Variants in MBD5 observed in about 807,000 individuals in gnomAD.
The protein encoded by MBD5 is methyl-CpG binding domain protein 5.
Under a neutral mutation model 117.3 loss-of-function variants are expected in MBD5, and 13 were observed. The ratio of observed to expected loss-of-function variants is 0.11; its 90% CI spans 0.07 to 0.18. The LOEUF is 0.18. MBD5 is among the 10% of genes least tolerant of loss of function. The pLI is 1.00. For synonymous variants in MBD5, 727 were observed against 766.4 expected, an observed-to-expected ratio of 0.95 and a Z score of 0.85; for missense variants, 1,879 against 2,093.8, an observed-to-expected ratio of 0.90 and a Z score of 2.00.
At chr2:148,350,760 C>G (rs1302564905) in intron 4 of MBD5, among the ~76,000 whole-genome samples, 1 of 151,960 alleles carries the variant, frequency 6.6e-6, no homozygotes, top group Admixed American at 6.6e-5. Flanking sequence ...TAGGATTGAG[C>G]ATTGCAGTCC....
chr2:148,102,727 CACAG>C (rs1191403368), intron 1 of MBD5, among the ~76,000 whole-genome samples: 138 of 62,898 alleles, frequency 2.2e-3, no homozygotes, highest in Middle Eastern at 7.9e-3. Context: ...CACACACACA[CACAG>C]AGAGAGAGAG....
intron 1 of MBD5, among the ~76,000 whole-genome samples, chr2:148,089,861 A>T (rs1282743739): frequency 3.9e-5 from 6 of 152,102 alleles, no homozygotes; most frequent in Non-Finnish European, 8.8e-5. Context: ...AACTAAATGA[A>T]ATTGAAACAC....
chr2:148,080,240 G>A (rs1695616701), intron 1 of MBD5, among the ~76,000 whole-genome samples: 1 of 152,122 alleles, frequency 6.6e-6, no homozygotes, highest in Non-Finnish European at 1.5e-5. Flanking sequence ...TGGTACAATG[G>A]AAGCATTTCT....
chr2:148,200,960 A>G (rs1290989839), intron 2 of MBD5, among the ~76,000 whole-genome samples: 1 of 152,192 alleles, frequency 6.6e-6, no homozygotes, highest in Non-Finnish European at 1.5e-5. Context: ...TTGTTAATTC[A>G]TTCATTTAAA....
chr2:148,082,278 T>C (rs1695665987), intron 1 of MBD5, among the ~76,000 whole-genome samples: 1 of 152,174 alleles, frequency 6.6e-6, no homozygotes, highest in African/African-American at 2.4e-5. Flanking sequence ...TCAATTCTTT[T>C]CATTTATTCA....
chr2:148,386,261 A>G (rs75056796), intron 4 of MBD5, among the ~76,000 whole-genome samples: 3,430 of 152,268 alleles, frequency 0.023, 152 homozygotes, highest in African/African-American at 0.076. Context: ...CATTCAGCCA[A>G]TGGGATCCAC....
At chr2:148,133,377 A>C (rs971335738) in intron 1 of MBD5, among the ~76,000 whole-genome samples, 2 of 152,254 alleles carry the variant, frequency 1.3e-5, no homozygotes, top group Admixed American at 6.5e-5. Context: ...TCTCAGTAGA[A>C]TATTGAGATA....
At chr2:148,223,805 G>T (rs1482960779) in intron 2 of MBD5, among the ~76,000 whole-genome samples, 1 of 152,008 alleles carries the variant, frequency 6.6e-6, no homozygotes, top group Admixed American at 6.6e-5. Context: ...TCTTTAAGAT[G>T]AATCTTTAGG....
At position 148,484,085 on chromosome 2, in the gene MBD5, A is replaced by G; in HGVS notation, c.3494A>G (p.Asn1165Ser). Residue 1165 changes from asparagine (N) to serine (S), a missense_variant, in exon 9 of 14, where the codon AAC becomes AGC. Coordinates refer to ENST00000642680, the MANE Select transcript of MBD5 (RefSeq NM_001378120.1). ...NTPGPAKLNS[N>S]SVVPQLLNPL... is the part of the protein sequence containing the mutation. The stretch of plus-strand genomic sequence containing the variant: ...CCTGGTCCAGCTAAACTCAACAGTA[A>G]CTCTGTGGTGCCACAGCTACTTAAC... 1 of 1,542,886 alleles carries G rather than the reference A, an allele frequency of 6.5e-7. No individual in the cohort carries two copies. Among genetic ancestry groups the G allele is most frequent in the Non-Finnish European group, 8.7e-7 (1 of 1,143,170 alleles).
chr2:148,232,632 C>T (rs1008873507), intron 2 of MBD5, among the ~76,000 whole-genome samples: 3 of 138,626 alleles, frequency 2.2e-5, no homozygotes, highest in Non-Finnish European at 3.1e-5. Flanking sequence ...CATGCAATAC[C>T]ATATCTGACT....
chr2:148,503,262 C>T (rs574118367), intron 12 of MBD5, among the ~76,000 whole-genome samples: 2 of 152,236 alleles, frequency 1.3e-5, no homozygotes, highest in African/African-American at 4.8e-5. Context: ...TATCAAGCAA[C>T]CAAAAATTAT....
chr2:148,421,432 A>G (rs1216598127), intron 4 of MBD5, among the ~76,000 whole-genome samples: 1 of 152,196 alleles, frequency 6.6e-6, no homozygotes, highest in Non-Finnish European at 1.5e-5. Context: ...TGCAACCCGC[A>G]GACCAGGAGA....
At chr2:148,031,070 T>C (rs540668076) in intron 1 of MBD5, among the ~76,000 whole-genome samples, 1 of 152,286 alleles carries the variant, frequency 6.6e-6, no homozygotes, top group Middle Eastern at 3.4e-3. Flanking sequence ...CAATCTGAGA[T>C]AAGATATAAT....
chr2:148,250,729 T>C (rs931283166), intron 3 of MBD5, among the ~76,000 whole-genome samples: 3 of 152,202 alleles, frequency 2.0e-5, no homozygotes, highest in Non-Finnish European at 4.4e-5. Context: ...AGCTAGCTTG[T>C]TAATTCTCAG....
At chr2:148,126,196 G>A (rs921159145) in intron 1 of MBD5, among the ~76,000 whole-genome samples, 1 of 151,478 alleles carries the variant, frequency 6.6e-6, no homozygotes, top group East Asian at 1.9e-4. Flanking sequence ...AAGAGTTTGA[G>A]ACCGGCCTGG....
At chr2:148,157,559 G>A (rs768469257) in intron 1 of MBD5, among the ~76,000 whole-genome samples, 4 of 152,046 alleles carry the variant, frequency 2.6e-5, no homozygotes, top group Non-Finnish European at 4.4e-5. Context: ...CAAAGCATCC[G>A]CCATAAAAAC....
At chr2:148,283,223 A>G (rs1190684613) in intron 3 of MBD5, among the ~76,000 whole-genome samples, 3 of 152,170 alleles carry the variant, frequency 2.0e-5, no homozygotes, top group Admixed American at 6.5e-5. Context: ...TCTTTGTTAC[A>G]GCAGCTTCCT....
At chr2:148,194,832 G>C (rs1031121724) in intron 2 of MBD5, among the ~76,000 whole-genome samples, 1 of 151,138 alleles carries the variant, frequency 6.6e-6, no homozygotes, top group Admixed American at 6.6e-5. Flanking sequence ...AAATAGCAAG[G>C]TGCTAAACTT....
intron 1 of MBD5, among the ~76,000 whole-genome samples, chr2:148,082,334 C>A (rs1012157471): frequency 2.6e-5 from 4 of 152,164 alleles, no homozygotes. Context: ...TTATCCTTCT[C>A]TGTCAAGCTT....
Sources: allele counts gnomAD v4.1 joint callset (sites outside exome capture counted in the v4.1 genomes callset), GRCh38; gene constraint gnomAD v4.1.1; transcripts MANE v1.5; gene names NCBI Gene and HGNC (gene_info 2026-07-23, HGNC 2026-07-21).